KIAA0232: variants seen among roughly 807,000 people sequenced by gnomAD.
KIAA0232 encodes the protein uncharacterized protein KIAA0232.
Under a neutral mutation model 122.0 loss-of-function variants are expected in KIAA0232, and 27 were observed. The ratio of observed to expected loss-of-function variants is 0.22; its 90% CI spans 0.16 to 0.31. The LOEUF (loss-of-function observed/expected upper bound fraction) is 0.31. KIAA0232 is among the 10% of genes least tolerant of loss of function. The pLI is 1.00. For missense variants in KIAA0232, 1,551 were observed against 1,634.2 expected, an observed-to-expected ratio of 0.95 and a Z score of 0.88; for synonymous variants, 613 against 587.6, an observed-to-expected ratio of 1.04 and a Z score of -0.63.
At chr4:6,848,780 G>A (rs922320375) in intron 4 of KIAA0232, among the ~76,000 whole-genome samples, 1 of 152,192 alleles carries the variant, frequency 6.6e-6, no homozygotes, top group Non-Finnish European at 1.5e-5. Flanking sequence ...TGTGTAAGGT[G>A]CCTGTCTGAA....
chr4:6,808,442 T>C (rs1717734315), intron 2 of KIAA0232, among the ~76,000 whole-genome samples: 1 of 147,920 alleles, frequency 6.8e-6, no homozygotes, highest in Non-Finnish European at 1.5e-5. Flanking sequence ...GTTAAAAATA[T>C]AGAGAGTTCA....
chr4:6,839,610 C>G (rs1719536251), intron 3 of KIAA0232, among the ~76,000 whole-genome samples: 1 of 152,084 alleles, frequency 6.6e-6, no homozygotes, highest in Non-Finnish European at 1.5e-5. Context: ...TACAAAGACA[C>G]AGAAATAGGA....
intron 3 of KIAA0232, among the ~76,000 whole-genome samples, chr4:6,836,779 G>C (rs1351799194): frequency 6.6e-6 from 1 of 151,988 alleles, no homozygotes; most frequent in Non-Finnish European, 1.5e-5. Context: ...TCAAGCCTCT[G>C]TTTAACAAAG....
chr4:6,802,270 C>T (rs139047997), intron 1 of KIAA0232, among the ~76,000 whole-genome samples: 5 of 152,266 alleles, frequency 3.3e-5, no homozygotes, highest in Admixed American at 1.3e-4. Flanking sequence ...CTCTCTGAGT[C>T]AGTCAGGATG....
chr4:6,832,706 T>G (rs1473747779), intron 3 of KIAA0232, among the ~76,000 whole-genome samples: 1 of 152,116 alleles, frequency 6.6e-6, no homozygotes, highest in Non-Finnish European at 1.5e-5. Context: ...TTAAAACAGT[T>G]CCTGGAATAT....
At chr4:6,799,827 T>C (rs911088261) in intron 1 of KIAA0232, among the ~76,000 whole-genome samples, 2 of 151,888 alleles carry the variant, frequency 1.3e-5, no homozygotes, top group Non-Finnish European at 2.9e-5. Context: ...CCCAGGTAGC[T>C]GGGACTACAG....
chr4:6,829,637 T>C (rs1391453469), intron 3 of KIAA0232, among the ~76,000 whole-genome samples: 1 of 152,232 alleles, frequency 6.6e-6, no homozygotes, highest in Admixed American at 6.5e-5. Context: ...AGCCTGAAAG[T>C]GAATGGCATG....
At chr4:6,799,480 C>T (rs990448101) in intron 1 of KIAA0232, among the ~76,000 whole-genome samples, 1 of 151,734 alleles carries the variant, frequency 6.6e-6, no homozygotes, top group Non-Finnish European at 1.5e-5. Flanking sequence ...TCAAATTCAT[C>T]TCTTTACATT....
At chr4:6,828,067 T>C (rs1718785163) in intron 3 of KIAA0232, among the ~76,000 whole-genome samples, 1 of 152,248 alleles carries the variant, frequency 6.6e-6, no homozygotes, top group Non-Finnish European at 1.5e-5. Context: ...CCAAACTTGG[T>C]AATATTTTAC....
In KIAA0232 at chr4:6,873,667, A is replaced by G. The variant is rs112993865; in HGVS notation, c.3910+1985A>G. ...ACCTCTTAGCTCTAGGTTCCTGGTT[A>G]TCTGTACAGTCTCTTAGTGGATACT... On this transcript the variant is annotated intron_variant, in intron 8 of 9. Transcript: ENST00000307659. Among the ~76,000 whole-genome samples the G allele has an allele frequency of 4.9e-3, 741 of 152,266 alleles. 6 individuals carry two copies. The highest frequency in any genetic ancestry group is 0.016 in the African/African-American group (645 of 41,510).
intron 3 of KIAA0232, among the ~76,000 whole-genome samples, chr4:6,831,553 G>A (rs116723815): frequency 6.6e-6 from 1 of 152,074 alleles, no homozygotes; most frequent in Non-Finnish European, 1.5e-5. Context: ...AGAATAAGAG[G>A]TTTTTTTCCC....
chr4:6,813,324 TATATA>T (rs1008494511), intron 2 of KIAA0232, among the ~76,000 whole-genome samples: 2 of 152,110 alleles, frequency 1.3e-5, no homozygotes, highest in Non-Finnish European at 2.9e-5. Context: ...AGTATTTACT[TATATA>T]ATAATTTAAG....
At chr4:6,848,882 G>A (rs1577396018) in intron 4 of KIAA0232, among the ~76,000 whole-genome samples, 1 of 152,336 alleles carries the variant, frequency 6.6e-6, no homozygotes, top group Non-Finnish European at 1.5e-5. Flanking sequence ...AGCTGAGAGT[G>A]CTCACAGTTG....
chr4:6,808,785 C>G (rs1267870302), intron 2 of KIAA0232, among the ~76,000 whole-genome samples: 1 of 152,132 alleles, frequency 6.6e-6, no homozygotes, highest in Non-Finnish European at 1.5e-5. Flanking sequence ...TACCAAACTT[C>G]TCTTTTTCAG....
chr4:6,825,572 CGA>C (rs111362007), intron 3 of KIAA0232, among the ~76,000 whole-genome samples: 180 of 145,974 alleles, frequency 1.2e-3, no homozygotes, highest in Middle Eastern at 7.1e-3. Context: ...CACGCATACA[CGA>C]GAGAGAGAGA....
chr4:6,786,890 T>C (rs941798858), intron 1 of KIAA0232, among the ~76,000 whole-genome samples: 3 of 152,130 alleles, frequency 2.0e-5, no homozygotes, highest in South Asian at 2.1e-4. Context: ...GTTAAAAATA[T>C]TCCTTGTATT....
At chr4:6,783,055 A>T (rs1463634167) in intron 1 of KIAA0232, among the ~76,000 whole-genome samples, 1 of 143,484 alleles carries the variant, frequency 7.0e-6, no homozygotes, top group East Asian at 2.1e-4. Flanking sequence ...GCCGCCGCCG[A>T]GGGCTCCGGG....
rs1560199259 is a variant in KIAA0232, at chr4:6,860,997, C to T, written c.615C>T (p.Ser205=). The change falls in exon 7 of 10, where the codon AGC becomes AGT. Residue 205 remains serine, a synonymous_variant. Coordinates refer to ENST00000307659, the MANE Select transcript of KIAA0232 (RefSeq NM_014743.3). ...AGTCTAAAGTCTGTTCTTACTCTAG[C>T]TCTTCTTCATCATCCACAGCCCCAC... ...WNKSKVCSYS[S]SSSSSTAPPA... is the part of the protein sequence containing the mutation. 3 of 1,614,180 alleles carry T rather than the reference C, an allele frequency of 1.9e-6. No individual in the cohort carries two copies. Among genetic ancestry groups the T allele is most frequent in the East Asian group, 2.2e-5 (1 of 44,888 alleles).
At chr4:6,872,294 A>T (rs1721536099) in intron 8 of KIAA0232, among the ~76,000 whole-genome samples, 1 of 152,210 alleles carries the variant, frequency 6.6e-6, no homozygotes, top group East Asian at 1.9e-4. Flanking sequence ...GGCATACGCT[A>T]AAGGTCTGGA....
Sources: allele counts gnomAD v4.1 joint callset (sites outside exome capture counted in the v4.1 genomes callset), GRCh38; gene constraint gnomAD v4.1.1; transcripts MANE v1.5; gene names NCBI Gene and HGNC (gene_info 2026-07-23, HGNC 2026-07-21).